Variants in AXIN1 observed in about 807,000 individuals in gnomAD.
The protein encoded by AXIN1 is axin 1.
A neutral mutation model predicts 76.4 loss-of-function variants in AXIN1; 30 were observed. That is an observed-to-expected ratio of 0.39 (90% CI 0.29 to 0.53). The LOEUF (loss-of-function observed/expected upper bound fraction) is 0.53, where lower values mean the gene tolerates loss of function less well. Ranked by LOEUF, AXIN1 falls within the 20% of genes least tolerant of loss-of-function variation. The probability of loss-of-function intolerance (pLI) is 0.66; values close to 1 mark genes in which losing one functional copy is unlikely to be tolerated. For synonymous variants in AXIN1, 545 were observed against 501.4 expected (o/e 1.09, Z -1.16); for missense variants, 1,140 against 1,198.8 (o/e 0.95, Z 0.72).
intron 10 of AXIN1, 170 bp from the exon 11 acceptor site, chr16:288,418 G>T: frequency 2.0e-6 from 2 of 978,804 alleles, no homozygotes; most frequent in Non-Finnish European, 3.1e-6. Flanking sequence ...ACAGTGCAAT[G>T]ACCACATGTG....
In AXIN1 at chr16:346,855, C is replaced by T. The variant is rs770092532; in HGVS notation, c.171G>A (p.Ser57=). 9 of 1,613,422 alleles carry T rather than the reference C, an allele frequency of 5.6e-6. No homozygotes were observed. The highest frequency in any genetic ancestry group is 4.4e-5 in the South Asian group (4 of 91,080). ...GKGVGIKGET[S]TATPRRSDLD... Reference sequence around the variant, plus strand: ...GATCCGAGCGCCTCGGAGTGGCCGTCGAAGTCTCACCTTTAATGCCAACAC... The same window carrying T: ...GATCCGAGCGCCTCGGAGTGGCCGTTGAAGTCTCACCTTTAATGCCAACAC... The change falls in exon 2 of 11, where the codon TCG becomes TCA. Residue 57 remains serine, a synonymous_variant. Coordinates refer to ENST00000262320, the MANE Select transcript of AXIN1 (RefSeq NM_003502.4).
At chr16:350,352 T>C (rs2141720232) in intron 1 of AXIN1, among the ~76,000 whole-genome samples, 1 of 152,314 alleles carries the variant, frequency 6.6e-6, no homozygotes, top group South Asian at 2.1e-4. Context: ...CTCAGTTCAG[T>C]ATCAAATGCC....
At chr16:337,149 CAAAAAAAAAAAAAA>C (rs398028563) in intron 2 of AXIN1, among the ~76,000 whole-genome samples, 4 of 30,572 alleles carry the variant, frequency 1.3e-4, no homozygotes, top group East Asian at 1.2e-3. Flanking sequence ...GACCCCGTCT[CAAAAAAAAAAAAAA>C]AAAAAAAAAA....
chr16:325,336 T>C (rs1475414997), intron 2 of AXIN1, among the ~76,000 whole-genome samples: 5 of 152,232 alleles, frequency 3.3e-5, no homozygotes, highest in African/African-American at 1.2e-4. Flanking sequence ...CCGCTCTGGC[T>C]TTCTTCACTG....
At chr16:300,620 G>A (rs563001700) in intron 5 of AXIN1, among the ~76,000 whole-genome samples, 15 of 152,286 alleles carry the variant, frequency 9.8e-5, no homozygotes, top group African/African-American at 2.4e-4. Flanking sequence ...GCTTGGCTGC[G>A]GGCACCTGCA....
intron 2 of AXIN1, among the ~76,000 whole-genome samples, chr16:318,498 C>T (rs1189001498): frequency 1.3e-5 from 2 of 152,226 alleles, no homozygotes; most frequent in African/African-American, 4.8e-5. Flanking sequence ...ACTCAGATGG[C>T]TCCTGTACCT....
rs188931162 is a variant in AXIN1, at chr16:298,867, C to T, written c.1255-616G>A. Among the ~76,000 whole-genome samples the T allele has an allele frequency of 1.7e-3, 259 of 152,244 alleles. 1 individual carries two copies. The highest frequency in any genetic ancestry group is 0.01 in the Middle Eastern group (3 of 294). On this transcript the variant is annotated intron_variant, in intron 5 of 10. Transcript: ENST00000262320. ...CCCTGCAACCTCTGCCTCCTGGGTT[C>T]AAGTGATTCTCCTCCTTCAGCCTCC...
intron 2 of AXIN1, among the ~76,000 whole-genome samples, chr16:339,226 G>A (rs539039575): frequency 1.4e-4 from 20 of 145,720 alleles, no homozygotes; most frequent in African/African-American, 3.8e-4. Context: ...AAAAAAGGCC[G>A]GGCGTGGTGG....
At chr16:326,139 G>A (rs1055246843) in intron 2 of AXIN1, among the ~76,000 whole-genome samples, 1 of 151,856 alleles carries the variant, frequency 6.6e-6, no homozygotes. Context: ...CGGATCATGA[G>A]GTCAGGAGTT....
chr16:291,073 GCTT>G (rs1294516880), intron 9 of AXIN1, 114 bp downstream of exon 9: 1 of 949,280 alleles, frequency 1.1e-6, no homozygotes, highest in East Asian at 2.6e-5. Context: ...TGCCACAGCT[GCTT>G]CTGAGCGTGG....
At chr16:333,354 T>C (rs1219892293) in intron 2 of AXIN1, among the ~76,000 whole-genome samples, 2 of 144,348 alleles carry the variant, frequency 1.4e-5, no homozygotes, top group Admixed American at 1.4e-4. Context: ...ATTAGTGGGG[T>C]GTGCTGGTGC....
intron 1 of AXIN1, 46 bp downstream of exon 1, chr16:352,323 C>A (rs2054163194): frequency 2.1e-6 from 2 of 970,944 alleles, no homozygotes; most frequent in Non-Finnish European, 1.2e-6. Context: ...TCCCGCCCGC[C>A]CGGCCTACCG....
intron 9 of AXIN1, 161 bp from the exon 10 acceptor site, chr16:289,768 A>C (rs1022168316): frequency 1.1e-4 from 89 of 841,718 alleles, no homozygotes; most frequent in Non-Finnish European, 1.5e-4. Flanking sequence ...ACAGCATCTC[A>C]ATCTGGGATC....
intron 5 of AXIN1, among the ~76,000 whole-genome samples, chr16:304,046 C>T (rs766315246): frequency 2.0e-5 from 3 of 152,236 alleles, no homozygotes; most frequent in Non-Finnish European, 4.4e-5. Flanking sequence ...GCAGCCGTGT[C>T]ACCCCCGGCC....
chr16:345,199 C>T (rs2054009517), intron 2 of AXIN1, among the ~76,000 whole-genome samples: 1 of 152,168 alleles, frequency 6.6e-6, no homozygotes, highest in Admixed American at 6.5e-5. Context: ...TCCCAGGCAA[C>T]ACACGCACCC....
At chr16:317,997 C>T (rs1026080735) in intron 2 of AXIN1, among the ~76,000 whole-genome samples, 15 of 152,230 alleles carry the variant, frequency 9.9e-5, no homozygotes, top group Admixed American at 5.9e-4. Flanking sequence ...CCACGGCACA[C>T]GGGTGCATCT....
intron 2 of AXIN1, among the ~76,000 whole-genome samples, chr16:329,218 A>G (rs2053640418): frequency 6.8e-6 from 1 of 146,234 alleles, no homozygotes; most frequent in Non-Finnish European, 1.5e-5. Context: ...CAGAGGTTGC[A>G]GTGAGCTGAC....
chr16:298,490 C>T (rs1365441864), intron 5 of AXIN1, among the ~76,000 whole-genome samples: 1 of 152,310 alleles, frequency 6.6e-6, no homozygotes, highest in Non-Finnish European at 1.5e-5. Context: ...GTGGGCAGAG[C>T]TCTGCACAGA....
At chr16:343,669 C>T (rs532084392) in intron 2 of AXIN1, among the ~76,000 whole-genome samples, 4 of 150,816 alleles carry the variant, frequency 2.7e-5, no homozygotes, top group African/African-American at 9.7e-5. Context: ...CACTACTGCA[C>T]TCCAGCCTGG....
Sources: allele counts gnomAD v4.1 joint callset (sites outside exome capture counted in the v4.1 genomes callset), GRCh38; gene constraint gnomAD v4.1.1; transcripts MANE v1.5; gene names NCBI Gene and HGNC (gene_info 2026-07-23, HGNC 2026-07-21).